NEBL: variants seen among roughly 807,000 people sequenced by gnomAD.
NEBL encodes the protein nebulette, also known as LIM and SH3 protein 2.
NEBL carries 122 observed loss-of-function variants against 140.2 expected under a neutral mutation model. The ratio of observed to expected loss-of-function variants is 0.87; its 90% CI spans 0.75 to 1.01. NEBL has a LOEUF of 1.01. Ranked by LOEUF, NEBL falls within the 50% of genes least tolerant of loss-of-function variation. NEBL has a pLI of 0.00. For synonymous variants in NEBL, 436 were observed against 398.9 expected (o/e 1.09, Z -1.11); for missense variants, 1,365 against 1,231.3 (o/e 1.11, Z -1.62).
chr10:21,228,801 C>A (rs1842206789), intron 3 of NEBL, among the ~76,000 whole-genome samples: 1 of 152,188 alleles, frequency 6.6e-6, no homozygotes, highest in Admixed American at 6.5e-5. Flanking sequence ...GCCCCAACTG[C>A]AGGCCTGTTA....
intron 1 of NEBL, among the ~76,000 whole-genome samples, chr10:21,257,997 T>C (rs1425543330): frequency 6.6e-6 from 1 of 152,214 alleles, no homozygotes; most frequent in African/African-American, 2.4e-5. Flanking sequence ...GTTTGGGTTC[T>C]CCCAAGAGCA....
At chr10:20,981,504 T>C (rs543222159) in intron 3 of NEBL, among the ~76,000 whole-genome samples, 18 of 152,308 alleles carry the variant, frequency 1.2e-4, no homozygotes, top group Admixed American at 4.6e-4. Context: ...CCTTGAGCAG[T>C]CAGCAACCTA....
chr10:20,903,102 C>G (rs1019020475), intron 4 of NEBL, among the ~76,000 whole-genome samples: 1 of 152,038 alleles, frequency 6.6e-6, no homozygotes, highest in Non-Finnish European at 1.5e-5. Context: ...CCAAGCCCCC[C>G]AATAGAAGCC....
At chr10:21,153,413 C>T (rs1367317825) in intron 2 of NEBL, among the ~76,000 whole-genome samples, 5 of 151,466 alleles carry the variant, frequency 3.3e-5, no homozygotes, top group Non-Finnish European at 2.9e-5. Flanking sequence ...CTCCGCCTCC[C>T]GGGTTCAAGT....
At chr10:20,984,698 C>T (rs1350905204) in intron 3 of NEBL, among the ~76,000 whole-genome samples, 2 of 152,000 alleles carry the variant, frequency 1.3e-5, no homozygotes, top group Admixed American at 1.3e-4. Context: ...AGAAGTCAGC[C>T]TTGGTCTTAT....
At chr10:21,238,091 T>G (rs955831912) in intron 3 of NEBL, among the ~76,000 whole-genome samples, 1 of 152,200 alleles carries the variant, frequency 6.6e-6, no homozygotes, top group Non-Finnish European at 1.5e-5. Context: ...AATGAATGCT[T>G]TCTTCCTTGT....
chr10:20,821,716 T>C (rs757350041), intron 19 of NEBL, among the ~76,000 whole-genome samples: 3 of 152,198 alleles, frequency 2.0e-5, no homozygotes, highest in Non-Finnish European at 4.4e-5. Flanking sequence ...TCTACCGGAA[T>C]GCCATAATGG....
At chr10:21,279,962 C>G (rs972317634) in intron 1 of NEBL, among the ~76,000 whole-genome samples, 1 of 151,904 alleles carries the variant, frequency 6.6e-6, no homozygotes, top group East Asian at 1.9e-4. Context: ...AGAAATGGAC[C>G]AAAACCCAGA....
intron 2 of NEBL, among the ~76,000 whole-genome samples, chr10:21,078,043 T>G (rs146812604): frequency 3.3e-5 from 5 of 152,320 alleles, no homozygotes; most frequent in African/African-American, 9.6e-5. Context: ...CAGATTATTC[T>G]GAAAGCTGGG....
chr10:21,288,566 G>T (rs913569282), intron 1 of NEBL, among the ~76,000 whole-genome samples: 1 of 151,234 alleles, frequency 6.6e-6, no homozygotes, highest in Non-Finnish European at 1.5e-5. Flanking sequence ...TTCAGGACCA[G>T]CCTGGCCAAA....
At chr10:20,936,444 A>G (rs1284408117) in intron 4 of NEBL, among the ~76,000 whole-genome samples, 1 of 152,224 alleles carries the variant, frequency 6.6e-6, no homozygotes, top group Non-Finnish European at 1.5e-5. Flanking sequence ...AGATTATGAA[A>G]TCTGTATAAG....
intron 26 of NEBL, among the ~76,000 whole-genome samples, chr10:20,803,758 C>A (rs1837344013): frequency 6.7e-6 from 1 of 149,488 alleles, no homozygotes; most frequent in Non-Finnish European, 1.5e-5. Flanking sequence ...AAAGGGGACC[C>A]TAAATTTCAA....
intron 3 of NEBL, among the ~76,000 whole-genome samples, chr10:21,016,167 T>C (rs879616079): frequency 3.3e-5 from 5 of 152,232 alleles, no homozygotes; most frequent in Non-Finnish European, 7.3e-5. Flanking sequence ...TAAAAGGGCT[T>C]TCCTTCCCTC....
intron 2 of NEBL, among the ~76,000 whole-genome samples, chr10:21,095,130 C>A (rs748936513): frequency 6.6e-6 from 1 of 152,180 alleles, no homozygotes; most frequent in Non-Finnish European, 1.5e-5. Flanking sequence ...GACCAACCAA[C>A]CATATCAGAA....
At chr10:21,080,553 C>T (rs1241427126) in intron 2 of NEBL, among the ~76,000 whole-genome samples, 1 of 152,184 alleles carries the variant, frequency 6.6e-6, no homozygotes, top group African/African-American at 2.4e-5. Flanking sequence ...GTCTCACAGA[C>T]TAGAGGGGAA....
intron 3 of NEBL, among the ~76,000 whole-genome samples, chr10:20,980,403 A>G (rs943567287): frequency 6.6e-6 from 1 of 152,074 alleles, no homozygotes; most frequent in Non-Finnish European, 1.5e-5. Flanking sequence ...AAAAAAATAT[A>G]TTTAGGTGCT....
At chr10:20,850,632 G>A in intron 10 of NEBL, 130 bp from the exon 11 acceptor site, 1 of 655,204 alleles carries the variant, frequency 1.5e-6, no homozygotes, top group Non-Finnish European at 2.7e-6. Context: ...CATTTAGGTT[G>A]AGCACTGGGT....
rs532090355 is a variant in NEBL at position 20,974,995 on chromosome 10, G to A, written c.250-13216C>T. On this transcript the variant is annotated intron_variant, in intron 3 of 6. Transcript: ENST00000417816. ...TATGAAGTTTCAAGTTTCATGATTCGATATAATTCCATGGTGTTACAGGTA... is the reference window on the plus strand; with the variant it reads ...TATGAAGTTTCAAGTTTCATGATTCAATATAATTCCATGGTGTTACAGGTA... 7.5e-4 allele frequency among the ~76,000 whole-genome samples: 114 copies of A among 152,186 alleles called. 1 individual carries two copies. The South Asian group carries it at 0.013, about 17-fold the overall frequency.
intron 2 of NEBL, among the ~76,000 whole-genome samples, chr10:21,023,253 C>G (rs969283437): frequency 1.3e-5 from 2 of 151,908 alleles, no homozygotes; most frequent in African/African-American, 4.9e-5. Context: ...GGATTTTAAC[C>G]ATTTTTTAAA....
Sources: allele counts gnomAD v4.1 joint callset (sites outside exome capture counted in the v4.1 genomes callset), GRCh38; gene constraint gnomAD v4.1.1; transcripts MANE v1.5; gene names NCBI Gene and HGNC (gene_info 2026-07-23, HGNC 2026-07-21).